The following SPAG17 variants were observed in gnomAD, a reference collection of about 807,000 sequenced individuals.
SPAG17 encodes sperm associated antigen 17.
A neutral mutation model predicts 273.6 loss-of-function variants in SPAG17; 169 were observed. The observed-to-expected ratio is 0.62, with a 90% confidence interval of 0.55 to 0.70. The LOEUF is 0.70. Ranked by LOEUF, SPAG17 falls within the 30% of genes least tolerant of loss-of-function variation. The probability of loss-of-function intolerance (pLI) is 0.00; values close to 1 mark genes in which losing one functional copy is unlikely to be tolerated. For missense variants in SPAG17, 2,557 were observed against 2,627.8 expected, an observed-to-expected ratio of 0.97 and a Z score of 0.59; for synonymous variants, 825 against 873.2, an observed-to-expected ratio of 0.94 and a Z score of 0.97.
At chr1:118,112,528 C>G (rs1479512231) in intron 4 of SPAG17, among the ~76,000 whole-genome samples, 2 of 151,940 alleles carry the variant, frequency 1.3e-5, no homozygotes, top group East Asian at 3.9e-4. Context: ...TAAAATCAAA[C>G]TAATTTAGAA....
Position 118,028,344 on chromosome 1 carries a change from G to T in SPAG17, c.3660C>A (p.Pro1220=). 3 of 1,613,780 alleles carry T rather than the reference G, an allele frequency of 1.9e-6. No homozygotes were observed. Among genetic ancestry groups the T allele is most frequent in the Non-Finnish European group, 2.5e-6 (3 of 1,179,742 alleles). ...AAGACACATTTAGGCTCTGGAAGGT[G>T]GGAACATCCAAAGTCTCTTGTAAAA... The part of the protein sequence containing the change: ...EPVLQETLDV[P]TFQSLNVSCP... Residue 1220 remains proline (P), a synonymous_variant, in exon 26 of 49, where the codon CCC becomes CCA. Transcript: ENST00000336338.
intron 3 of SPAG17, among the ~76,000 whole-genome samples, chr1:118,137,946 T>A (rs1658453118): frequency 6.6e-6 from 1 of 152,190 alleles, no homozygotes; most frequent in Non-Finnish European, 1.5e-5. Context: ...TGCAGAAGCA[T>A]GAAAATTGTT....
intron 48 of SPAG17, among the ~76,000 whole-genome samples, chr1:117,958,156 G>A (rs990285352): frequency 1.3e-5 from 2 of 152,124 alleles, no homozygotes. Context: ...TAGTTAAACA[G>A]GTATATGTAG....
At chr1:118,097,548 G>C (rs752858049) in intron 7 of SPAG17, 122 bp downstream of exon 7, 7 of 605,736 alleles carry the variant, frequency 1.2e-5, no homozygotes, top group Non-Finnish European at 1.8e-5. Context: ...GAAGATAAAA[G>C]AGCCTAGCTC....
At chr1:118,108,607 T>A (rs534685418) in intron 4 of SPAG17, among the ~76,000 whole-genome samples, 2 of 152,322 alleles carry the variant, frequency 1.3e-5, no homozygotes, top group Non-Finnish European at 2.9e-5. Context: ...AAGGCAAATT[T>A]TAGGAGGGGC....
At chr1:118,136,330 C>T (rs17257729) in intron 3 of SPAG17, among the ~76,000 whole-genome samples, 73,439 of 151,948 alleles carry the variant, frequency 0.48, 19,705 homozygotes, top group Non-Finnish European at 0.61. Flanking sequence ...CAGTGACTTG[C>T]ATCATTACTC....
chr1:117,970,261 TATTCA>T, intron 45 of SPAG17, 145 bp from the exon 46 acceptor site: 1 of 677,784 alleles, frequency 1.5e-6, no homozygotes, highest in Non-Finnish European at 2.4e-6. Flanking sequence ...ACAACTTTAA[TATTCA>T]ATTGGGAGAA....
Position 118,025,429 on chromosome 1 carries a change from T to C in SPAG17, c.3731-13A>G. The C allele has an allele frequency of 6.6e-7, 1 of 1,514,664 alleles. No individual in the cohort carries two copies. The highest frequency in any genetic ancestry group is 1.4e-5 in the African/African-American group (1 of 70,996). 93.8% of individuals were successfully genotyped at this position (1,514,664 alleles called of 1,614,324 possible). On this transcript the variant is annotated splice_polypyrimidine_tract_variant and intron_variant, in intron 26 of 48. Transcript: ENST00000336338. The stretch of plus-strand genomic sequence containing the variant: ...ATAACATATTGACCTAAAAAAAGAA[T>C]AAAGCCTTCTTGTGAACTGGACAAT...
At chr1:117,979,374 C>A (rs1232515591) in intron 43 of SPAG17, among the ~76,000 whole-genome samples, 1 of 152,140 alleles carries the variant, frequency 6.6e-6, no homozygotes, top group Non-Finnish European at 1.5e-5. Flanking sequence ...TTGTCTCACT[C>A]CTGCATCCTC....
Position 118,086,037 on chromosome 1 carries a change from C to T in SPAG17, c.1647G>A (p.Gln549=), listed in dbSNP as rs201697956. The T allele has an allele frequency of 4.2e-5, 68 of 1,613,844 alleles. No homozygotes were observed. The East Asian group carries it at 1.0e-3, about 25-fold the overall frequency. Residue 549 remains glutamine (Q), a synonymous_variant, in exon 13 of 49, where the codon CAG becomes CAA. Transcript: ENST00000336338. ...QKNFDPVQIE[Q]EMQSKLPLWE... ...ACAGTGGCAACTTGGACTGCATCTC[C>T]TGCTCAATTTGAACTGGATCAAAAT...
At position 118,081,570 on chromosome 1, in the gene SPAG17, A is replaced by G; in HGVS notation, c.1835T>C (p.Val612Ala). 6.2e-7 allele frequency: 1 copy of G among 1,613,944 alleles called. No individual in the cohort carries two copies. Among genetic ancestry groups the G allele is most frequent in the South Asian group, 1.1e-5 (1 of 91,074 alleles). ...FTFESLKLSE[V>A]DEKGKLKPSG... The stretch of plus-strand genomic sequence containing the variant: ...AGGTTTCAGTTTCCCTTTTTCATCA[A>G]CCTCAGAGAGCTTCAGGCTCTCAAA... The change falls in exon 14 of 49, where the codon GTT becomes GCT. Residue 612 changes from valine to alanine, a missense_variant. Physicochemically the swap from Val to Ala is moderately conservative, Grantham distance 64 (BLOSUM62 0). Transcript: ENST00000336338.
intron 48 of SPAG17, chr1:117,959,398 AGAAGAG>A: frequency 1.2e-6 from 2 of 1,613,894 alleles, no homozygotes; most frequent in African/African-American, 1.3e-5. Context: ...TTGGAAGAGA[AGAAGAG>A]GAAGAGGAAA....
chr1:117,954,537 G>A, intron 48 of SPAG17: 2 of 1,590,892 alleles, frequency 1.3e-6, no homozygotes, highest in Non-Finnish European at 1.7e-6. Context: ...TGCTACCTAA[G>A]TCTCAGTTTT....
intron 31 of SPAG17, among the ~76,000 whole-genome samples, chr1:118,007,629 TGAGTA>T (rs1162602012): frequency 6.6e-6 from 1 of 152,094 alleles, no homozygotes; most frequent in Non-Finnish European, 1.5e-5. Flanking sequence ...GCTAGGACTT[TGAGTA>T]GAGTAGTGAG....
chr1:118,113,729 A>G (rs1417954710), intron 4 of SPAG17, among the ~76,000 whole-genome samples: 1 of 152,116 alleles, frequency 6.6e-6, no homozygotes, highest in Non-Finnish European at 1.5e-5. Context: ...AGGACTCTCA[A>G]ATTTTCAACA....
At chr1:118,083,442 G>C (rs1654748433) in intron 13 of SPAG17, among the ~76,000 whole-genome samples, 1 of 152,070 alleles carries the variant, frequency 6.6e-6, no homozygotes, top group Admixed American at 6.6e-5. Context: ...TGGGGGACTG[G>C]GCTGGGATGG....
At chr1:118,128,340 G>A (rs1161475401) in intron 3 of SPAG17, among the ~76,000 whole-genome samples, 1 of 152,120 alleles carries the variant, frequency 6.6e-6, no homozygotes, top group East Asian at 1.9e-4. Flanking sequence ...CGTGTCGACT[G>A]CAAAGAGGGA....
chr1:118,065,720 T>C (rs1379767772), intron 18 of SPAG17, among the ~76,000 whole-genome samples: 3 of 151,860 alleles, frequency 2.0e-5, no homozygotes, highest in Admixed American at 6.6e-5. Context: ...CCTAAATTGA[T>C]CCAGAAAAAT....
At chr1:118,109,339 A>T (rs1656612774) in intron 4 of SPAG17, among the ~76,000 whole-genome samples, 1 of 147,402 alleles carries the variant, frequency 6.8e-6, no homozygotes, top group South Asian at 2.2e-4. Flanking sequence ...TGAGGTCAGG[A>T]GTTTGAGACC....
Sources: gnomAD v4.1 joint callset for allele counts (sites outside exome capture counted in the v4.1 genomes callset) on GRCh38, gnomAD v4.1.1 for gene constraint, MANE v1.5 for transcripts, NCBI Gene and HGNC (gene_info 2026-07-23, HGNC 2026-07-21) for gene names.